Variants in PLEKHM1 observed in about 807,000 individuals in gnomAD.
The protein encoded by PLEKHM1 is pleckstrin homology and RUN domain containing M1, also known as pleckstrin homology domain-containing family M member 1.
A neutral mutation model predicts 94.3 loss-of-function variants in PLEKHM1; 28 were observed. That is an observed-to-expected ratio of 0.30 (90% confidence interval 0.22 to 0.41). PLEKHM1 has a LOEUF of 0.41. PLEKHM1 is among the 10% of genes least tolerant of loss of function. The pLI is 1.00. For missense variants in PLEKHM1, 907 were observed against 1,358.6 expected (o/e 0.67, Z 5.22); for synonymous variants, 424 against 581.2 (o/e 0.73, Z 3.89).
In PLEKHM1 at chr17:45,453,913, G is replaced by T. The variant is rs1352421362; in HGVS notation, c.1939C>A (p.Pro647Thr). 2 of 1,613,798 alleles carry T rather than the reference G, an allele frequency of 1.2e-6. No homozygotes were observed. Among genetic ancestry groups the T allele is most frequent in the Non-Finnish European group, 8.5e-7 (1 of 1,179,746 alleles). The change falls in exon 7 of 12, where the codon CCC becomes ACC. Residue 647 changes from proline (P) to threonine (T), a missense_variant. Pro to Thr is a conservative substitution (Grantham distance 38). This residue lies in a region of PLEKHM1 where 477 missense variants were observed against 601.5 expected (regional missense o/e 0.79). Coordinates refer to ENST00000430334, the MANE Select transcript of PLEKHM1 (RefSeq NM_014798.3). The surrounding 1 kb of genome is among the most constrained non-coding windows in gnomAD (Gnocchi z 4.1). ...NVQYPDQPEE[P>T]PEAPQGCLSP... ...AGGCAGCCCTGGGGCGCCTCGGGGGGTTCCTCAGGCTGGTCTGGGTACTGC... is the reference window on the plus strand; with the variant it reads ...AGGCAGCCCTGGGGCGCCTCGGGGGTTTCCTCAGGCTGGTCTGGGTACTGC...
intron 5 of PLEKHM1, 89 bp downstream of exon 5, chr17:45,468,120 G>A: frequency 6.4e-7 from 1 of 1,551,142 alleles, no homozygotes. Context: ...CAGGGAAAAG[G>A]CAGAGACCAC....
rs62065399 is a variant in PLEKHM1, at chr17:45,468,691, G to T, written c.924-98C>A. On this transcript the variant is annotated intron_variant, in intron 4 of 11. Coordinates refer to ENST00000430334, the MANE Select transcript of PLEKHM1 (RefSeq NM_014798.3). ...GAAGAATGCAAAACTGCTGTTTTATGATTTAAAACAACCCACACCCTCTAA... is the reference window on the plus strand; with the variant it reads ...GAAGAATGCAAAACTGCTGTTTTATTATTTAAAACAACCCACACCCTCTAA... 0.15 allele frequency: 183,527 copies of T among 1,217,428 alleles called. 15,184 individuals are homozygous for T. The highest frequency in any genetic ancestry group is 0.19 in the Middle Eastern group (908 of 4,678). The allele number at this position is 1,217,428 out of a possible 1,614,324, so 75.4% of individuals were successfully genotyped here. A position where few individuals can be genotyped will look rare whatever the true frequency, so the allele number is the denominator to read the frequency against.
intron 4 of PLEKHM1, among the ~76,000 whole-genome samples, chr17:45,474,134 G>A (rs576617488): frequency 6.6e-6 from 1 of 150,938 alleles, no homozygotes; most frequent in Non-Finnish European, 1.5e-5. Context: ...TCAGCTCACT[G>A]CAAGCTCCAC....
chr17:45,483,543 A>T (rs2052022394), intron 1 of PLEKHM1, among the ~76,000 whole-genome samples: 4 of 151,920 alleles, frequency 2.6e-5, no homozygotes, highest in Admixed American at 2.6e-4. Flanking sequence ...AGGCAGGCAC[A>T]TTCACACGTA....
Position 45,453,177 on chromosome 17 carries a change from C to A in PLEKHM1, c.2497+178G>T. On this transcript the variant is annotated intron_variant, in intron 7 of 11. Coordinates refer to ENST00000430334, the MANE Select transcript of PLEKHM1 (RefSeq NM_014798.3). The surrounding 1 kb of genome is among the most constrained non-coding windows in gnomAD (Gnocchi z 4.1). ...CACTGCCTATGAGCAGGGCACTGGC[C>A]CCAGCCGGGGCTGGGGAGGAGCAGA... is the stretch of plus-strand genomic sequence containing the variant. 1.5e-6 allele frequency: 1 copy of A among 658,950 alleles called. No individual in the cohort carries two copies. Among genetic ancestry groups the A allele is most frequent in the Admixed American group, 2.2e-5 (1 of 45,604 alleles). The allele number at this position is 658,950 out of a possible 1,614,324, so 40.8% of individuals were successfully genotyped here.
At chr17:45,479,773 A>C (rs922175134) in intron 2 of PLEKHM1, among the ~76,000 whole-genome samples, 6 of 152,234 alleles carry the variant, frequency 3.9e-5, no homozygotes, top group Non-Finnish European at 7.3e-5. Flanking sequence ...TGTTTTATTC[A>C]TCCTTGTGTC....
rs1335293572 is a variant in PLEKHM1, at chr17:45,461,515, T to C, written c.1309-3076A>G. Among the ~76,000 whole-genome samples the C allele has an allele frequency of 3.9e-5, 6 of 152,352 alleles. No individual in the cohort carries two copies. In the East Asian group the frequency reaches 1.2e-3, roughly 29 times the overall value. On this transcript the variant is annotated intron_variant, in intron 5 of 11. Transcript: ENST00000430334. ...TGTTTTCTGCCAAGAGCTGTATAGT[T>C]TTAGCTCTTACATTTAGGTTTCTGG... is the stretch of plus-strand genomic sequence containing the variant.
intron 1 of PLEKHM1, chr17:45,487,758 A>G (rs766196473): frequency 4.4e-6 from 2 of 455,970 alleles, no homozygotes; most frequent in African/African-American, 2.0e-5. Context: ...ACCTGGTTCC[A>G]CCACTCTCAA....
rs557499144 is a variant in PLEKHM1, at chr17:45,454,175, C to A, written c.1677G>T (p.Pro559=). 1 of 1,613,640 alleles carries A rather than the reference C, an allele frequency of 6.2e-7. No individual in the cohort carries two copies. Among genetic ancestry groups the A allele is most frequent in the South Asian group, 1.1e-5 (1 of 91,076 alleles). Residue 559 remains proline, a synonymous_variant, in exon 7 of 12, where the codon CCG becomes CCT. Transcript: ENST00000430334. ...IWKELFCELS[P]LEFRLYLSNE... ...TGCTCAGGTAGAGGCGGAACTCCAG[C>A]GGGGAGAGCTCGCAGAAGAGCTCCT...
chr17:45,483,810 G>A (rs925664984), intron 1 of PLEKHM1, among the ~76,000 whole-genome samples: 35 of 152,118 alleles, frequency 2.3e-4, no homozygotes, highest in Non-Finnish European at 4.6e-4. Flanking sequence ...GGGCTGATAA[G>A]CGGCCTGACT....
intron 5 of PLEKHM1, among the ~76,000 whole-genome samples, chr17:45,464,261 C>A (rs2139890): frequency 0.13 from 19,441 of 152,208 alleles, 1,584 homozygotes; most frequent in Middle Eastern, 0.21. Flanking sequence ...CCCCAAAGGG[C>A]CTTTGTCTGT....
At chr17:45,450,504 T>G in intron 8 of PLEKHM1, 114 bp downstream of exon 8, 1 of 1,521,800 alleles carries the variant, frequency 6.6e-7, no homozygotes, top group South Asian at 1.2e-5. Context: ...CCAGTGACCC[T>G]GGCTTCCCTT....
intron 8 of PLEKHM1, among the ~76,000 whole-genome samples, chr17:45,449,490 C>A (rs988374495): frequency 2.6e-5 from 4 of 152,080 alleles, no homozygotes; most frequent in Non-Finnish European, 5.9e-5. Flanking sequence ...ACCAAGCCAT[C>A]CACTCATCCA....
chr17:45,470,400 G>A (rs182360176), intron 4 of PLEKHM1, among the ~76,000 whole-genome samples: 10 of 152,130 alleles, frequency 6.6e-5, no homozygotes, highest in South Asian at 2.1e-4. Flanking sequence ...AGGCCAAGGC[G>A]GGTGGATCAC....
At position 45,436,548 on chromosome 17, in the gene PLEKHM1, G is replaced by T; in HGVS notation, c.*1310C>A. 1 of 452,840 alleles carries T rather than the reference G, an allele frequency of 2.2e-6. No individual in the cohort carries two copies. Among genetic ancestry groups the T allele is most frequent in the South Asian group, 1.6e-5 (1 of 64,420 alleles). 28.1% of individuals were successfully genotyped at this position (452,840 alleles called of 1,614,324 possible). A position where few individuals can be genotyped will look rare whatever the true frequency, so the allele number is the denominator to read the frequency against. ...AGCTGAGCGCAGGTAAGACAGCTAG[G>T]ACTGAGGGCCTGCTAGGTCCAGGAG... On this transcript the variant is annotated 3_prime_UTR_variant, in exon 12 of 12. Coordinates refer to ENST00000430334, the MANE Select transcript of PLEKHM1 (RefSeq NM_014798.3).
intron 4 of PLEKHM1, among the ~76,000 whole-genome samples, chr17:45,474,756 C>T (rs1314914479): frequency 7.9e-5 from 12 of 152,246 alleles, no homozygotes; most frequent in African/African-American, 2.9e-4. Context: ...TGGCCTCGAA[C>T]TGCTGGGCTC....
intron 5 of PLEKHM1, among the ~76,000 whole-genome samples, chr17:45,458,860 T>C (rs900184928): frequency 6.7e-6 from 1 of 150,298 alleles, no homozygotes; most frequent in Non-Finnish European, 1.5e-5. Flanking sequence ...CGGCCAGCCA[T>C]GGTGGCTCAC....
chr17:45,489,321 C>T (rs1421768098), intron 1 of PLEKHM1, among the ~76,000 whole-genome samples: 8 of 152,246 alleles, frequency 5.3e-5, no homozygotes, highest in African/African-American at 1.9e-4. Flanking sequence ...GCCATCAGCT[C>T]TGGCAGGGAG....
intron 7 of PLEKHM1, among the ~76,000 whole-genome samples, chr17:45,451,717 G>A (rs1309479089): frequency 6.6e-6 from 1 of 152,016 alleles, no homozygotes; most frequent in Non-Finnish European, 1.5e-5. Context: ...TGGGTAGAAA[G>A]GAAACCCAAA....
Sources: gnomAD v4.1 joint callset for allele counts (sites outside exome capture counted in the v4.1 genomes callset) on GRCh38, gnomAD v4.1.1 for gene constraint, gnomAD v4.1.1 regional missense constraint, Gnocchi (gnomAD v3.1) non-coding constraint, MANE v1.5 for transcripts, NCBI Gene and HGNC (gene_info 2026-07-23, HGNC 2026-07-21) for gene names.